Variants in SNX13 observed in about 807,000 individuals in gnomAD.
The protein encoded by SNX13 is sorting nexin-13.
In SNX13, 45 loss-of-function variants were observed where a neutral mutation model predicts 133.6. The observed-to-expected ratio is 0.34, with a 90% CI of 0.27 to 0.43. The LOEUF (loss-of-function observed/expected upper bound fraction) is 0.43. Among genes scored for constraint, SNX13 ranks in the 20% least tolerant of loss-of-function variants. The pLI is 1.00. For missense variants in SNX13, 1,032 were observed against 1,145.1 expected (o/e 0.90, Z 1.43); for synonymous variants, 414 against 373.9 (o/e 1.11, Z -1.24).
chr7:17,815,255 A>G (rs1786529761), intron 19 of SNX13, among the ~76,000 whole-genome samples: 1 of 152,218 alleles, frequency 6.6e-6, no homozygotes, highest in South Asian at 2.1e-4. Flanking sequence ...CCACGTTAGA[A>G]AACTGTCACG....
chr7:17,905,712 G>A (rs901208135), intron 1 of SNX13, among the ~76,000 whole-genome samples: 1 of 152,196 alleles, frequency 6.6e-6, no homozygotes, highest in African/African-American at 2.4e-5. Flanking sequence ...CACAGGGAAA[G>A]TACTCTTTAA....
chr7:17,915,305 C>T (rs903156485), intron 1 of SNX13, among the ~76,000 whole-genome samples: 1 of 152,192 alleles, frequency 6.6e-6, no homozygotes, highest in Non-Finnish European at 1.5e-5. Flanking sequence ...AGCTGCATTC[C>T]TGAACCCTTA....
At chr7:17,929,237 G>C (rs548124685) in intron 1 of SNX13, among the ~76,000 whole-genome samples, 76 of 152,132 alleles carry the variant, frequency 5.0e-4, no homozygotes, top group African/African-American at 1.8e-3. Context: ...TAAAGGAATA[G>C]AGAGAGATAT....
At chr7:17,860,852 A>G (rs970498114) in intron 9 of SNX13, among the ~76,000 whole-genome samples, 3 of 152,180 alleles carry the variant, frequency 2.0e-5, no homozygotes, top group African/African-American at 4.8e-5. Context: ...CATACAGTTA[A>G]TTACTGTAGC....
chr7:17,829,925 T>C, intron 16 of SNX13, 85 bp downstream of exon 16: 1 of 968,304 alleles, frequency 1.0e-6, no homozygotes, highest in Non-Finnish European at 1.5e-6. Flanking sequence ...GCCTTCTTTA[T>C]ATATCATTTA....
chr7:17,840,309 TATA>T (rs2128316604), intron 12 of SNX13, among the ~76,000 whole-genome samples: 1 of 152,192 alleles, frequency 6.6e-6, no homozygotes, highest in East Asian at 1.9e-4. Flanking sequence ...TAAAGATTGT[TATA>T]ATATGAATAT....
chr7:17,829,942 T>C (rs1788294807), intron 16 of SNX13, 68 bp downstream of exon 16: 2 of 1,104,440 alleles, frequency 1.8e-6, no homozygotes, highest in Non-Finnish European at 2.5e-6. Flanking sequence ...TTTATTTATA[T>C]ATGTTAAGGC....
intron 1 of SNX13, among the ~76,000 whole-genome samples, chr7:17,928,420 T>C (rs1189803103): frequency 1.3e-5 from 2 of 152,166 alleles, no homozygotes; most frequent in Non-Finnish European, 2.9e-5. Flanking sequence ...TGACATAAGT[T>C]ATACTAACTA....
At chr7:17,857,422 G>C (rs1044669513) in intron 9 of SNX13, among the ~76,000 whole-genome samples, 5 of 151,996 alleles carry the variant, frequency 3.3e-5, no homozygotes, top group African/African-American at 1.2e-4. Context: ...CACCAGACAA[G>C]GACACAACAA....
chr7:17,827,079 A>G (rs991905620), intron 16 of SNX13, among the ~76,000 whole-genome samples: 2 of 152,144 alleles, frequency 1.3e-5, no homozygotes, highest in Admixed American at 6.6e-5. Flanking sequence ...GTGCTATATA[A>G]TCTGCCTCCA....
chr7:17,884,298 T>C (rs1795717818), intron 5 of SNX13, among the ~76,000 whole-genome samples: 1 of 152,078 alleles, frequency 6.6e-6, no homozygotes, highest in Non-Finnish European at 1.5e-5. Context: ...ATTCAGAAAA[T>C]CTAAAGAAGA....
intron 9 of SNX13, among the ~76,000 whole-genome samples, chr7:17,867,383 G>T (rs1014603314): frequency 2.6e-5 from 4 of 152,160 alleles, no homozygotes; most frequent in Non-Finnish European, 4.4e-5. Context: ...GAGGCAGGCA[G>T]ATCGCTTGAG....
intron 24 of SNX13, among the ~76,000 whole-genome samples, chr7:17,797,297 C>A (rs1345462646): frequency 6.6e-6 from 1 of 151,786 alleles, no homozygotes; most frequent in African/African-American, 2.4e-5. Flanking sequence ...CCTACAATAT[C>A]TTGAATCTCA....
At chr7:17,878,466 C>G (rs969750585) in intron 5 of SNX13, among the ~76,000 whole-genome samples, 8 of 152,060 alleles carry the variant, frequency 5.3e-5, no homozygotes, top group African/African-American at 1.9e-4. Context: ...ACTAGGAATG[C>G]AAACAACTAA....
chr7:17,812,916 G>A (rs947790888), intron 20 of SNX13, among the ~76,000 whole-genome samples: 4 of 151,636 alleles, frequency 2.6e-5, no homozygotes, highest in East Asian at 1.9e-4. Context: ...AACACCACAC[G>A]TTCTCACACA....
Position 17,816,272 on chromosome 7 carries a change from G to C in SNX13, c.1863C>G (p.Ser621Arg). The stretch of plus-strand genomic sequence containing the variant: ...TCTTTTTTCCAGGAAGTTTCAATAT[G>C]CTTGAGAGACTTTCAAACTGTAAGA... ...RITEQFESLS[S>R]ILKLPGKKTF... The change falls in exon 19 of 26, where the codon AGC (serine) becomes AGG (arginine). Residue 621 changes from serine to arginine, a missense_variant. Transcript: ENST00000428135. 1 of 1,541,500 alleles carries C rather than the reference G, an allele frequency of 6.5e-7. No homozygotes were observed. The highest frequency in any genetic ancestry group is 8.8e-7 in the Non-Finnish European group (1 of 1,141,992).
chr7:17,824,612 A>AT (rs541871910), intron 17 of SNX13, among the ~76,000 whole-genome samples: 96 of 145,412 alleles, frequency 6.6e-4, no homozygotes, highest in South Asian at 5.5e-3. Context: ...TCACCCAGCT[A>AT]TTTTTTTTTT....
At chr7:17,868,219 A>G in intron 9 of SNX13, 188 bp downstream of exon 9, 2 of 531,272 alleles carry the variant, frequency 3.8e-6, no homozygotes, top group South Asian at 2.8e-5. Flanking sequence ...CAAAATTCTT[A>G]AAGAGAATTT....
At chr7:17,802,084 T>C (rs1034583841) in intron 21 of SNX13, among the ~76,000 whole-genome samples, 1 of 152,076 alleles carries the variant, frequency 6.6e-6, no homozygotes, top group East Asian at 1.9e-4. Context: ...TTGTGTACCA[T>C]TGTGTTAAAA....
Sources: allele counts gnomAD v4.1 joint callset (sites outside exome capture counted in the v4.1 genomes callset), GRCh38; gene constraint gnomAD v4.1.1; transcripts MANE v1.5; gene names NCBI Gene and HGNC (gene_info 2026-07-23, HGNC 2026-07-21).